NDUFAF5: variants seen among roughly 807,000 people sequenced by gnomAD.
NDUFAF5 encodes arginine-hydroxylase NDUFAF5, mitochondrial.
In NDUFAF5, 34 loss-of-function variants were observed where a neutral mutation model predicts 48.9. The ratio of observed to expected loss-of-function variants is 0.70; its 90% CI spans 0.53 to 0.93. The LOEUF is 0.93. NDUFAF5 is among the 40% of genes least tolerant of loss of function. The probability of loss-of-function intolerance (pLI) is 0.00; values close to 1 mark genes in which losing one functional copy is unlikely to be tolerated. For synonymous variants in NDUFAF5, 153 were observed against 150.6 expected, an observed-to-expected ratio of 1.02 and a Z score of -0.12; for missense variants, 428 against 427.5, an observed-to-expected ratio of 1.00 and a Z score of -0.01.
intron 5 of NDUFAF5, among the ~76,000 whole-genome samples, chr20:13,795,642 A>C (rs947017629): frequency 1.3e-5 from 2 of 152,130 alleles, no homozygotes; most frequent in African/African-American, 4.8e-5. Context: ...AACATAATGA[A>C]ATGCCATCTC....
chr20:13,802,078 C>T (rs946695386), intron 7 of NDUFAF5, among the ~76,000 whole-genome samples: 1 of 151,952 alleles, frequency 6.6e-6, no homozygotes, highest in African/African-American at 2.4e-5. Context: ...AATAACTACC[C>T]CCAAACAGTG....
In NDUFAF5 at chr20:13,787,368, C is replaced by T; in HGVS notation, c.263+16C>T. ...ACATACCCAGGTAAGTGGTGGTGAT[C>T]ATAATACAATACCATCAACTTTTGA... On this transcript the variant is annotated intron_variant, in intron 2 of 10. Coordinates refer to ENST00000378106, the MANE Select transcript of NDUFAF5 (RefSeq NM_024120.5). 6.2e-7 allele frequency: 1 copy of T among 1,611,766 alleles called. No homozygotes were observed.
At chr20:13,787,217 G>A in intron 1 of NDUFAF5, 95 bp from the exon 2 acceptor site, 1 of 1,317,364 alleles carries the variant, frequency 7.6e-7, no homozygotes, top group Non-Finnish European at 1.1e-6. Context: ...ATAAAGGGAA[G>A]TACTTATTTT....
rs1432519056 is a variant in NDUFAF5 at position 13,820,651 on chromosome 20, A to G, written c.*3441A>G. The G allele has an allele frequency of 1.3e-5, 2 of 152,136 alleles. No homozygotes were observed. Among genetic ancestry groups the G allele is most frequent in the South Asian group, 2.1e-4 (1 of 4,828 alleles). 9.4% of individuals were successfully genotyped at this position (152,136 alleles called of 1,614,324 possible). On this transcript the variant is annotated 3_prime_UTR_variant, in exon 11 of 11. Transcript: ENST00000378106. ...CAAGGCTGCAGCAAGCTGTCGCACCACTGCACTCTAGCCTGGGCAACAGCA... is the reference window on the plus strand; with the variant it reads ...CAAGGCTGCAGCAAGCTGTCGCACCGCTGCACTCTAGCCTGGGCAACAGCA...
At chr20:13,797,293 C>T (rs1167601464) in intron 5 of NDUFAF5, among the ~76,000 whole-genome samples, 2 of 152,146 alleles carry the variant, frequency 1.3e-5, no homozygotes, top group African/African-American at 4.8e-5. Flanking sequence ...AACCTGCACA[C>T]AAATGTTTAT....
In NDUFAF5 at chr20:13,818,616, C is replaced by T. The variant is rs1344300149; in HGVS notation, c.*1406C>T. 1 of 198,186 alleles carries T rather than the reference C, an allele frequency of 5.0e-6. No individual in the cohort carries two copies. Among genetic ancestry groups the T allele is most frequent in the Non-Finnish European group, 1.0e-5 (1 of 95,766 alleles). 12.3% of individuals were successfully genotyped at this position (198,186 alleles called of 1,614,324 possible). A position where few individuals can be genotyped will look rare whatever the true frequency, so the allele number is the denominator to read the frequency against. ...GCTGTCTGTGCCACGGCACTCCAAC[C>T]TGGGCAAAAGAGGAGACCTCATCTA... On this transcript the variant is annotated 3_prime_UTR_variant, in exon 11 of 11. Coordinates refer to ENST00000378106, the MANE Select transcript of NDUFAF5 (RefSeq NM_024120.5).
chr20:13,787,936 A>ATG (rs1232615061), intron 2 of NDUFAF5, among the ~76,000 whole-genome samples: 1 of 151,954 alleles, frequency 6.6e-6, no homozygotes, highest in Non-Finnish European at 1.5e-5. Flanking sequence ...GTCTGTACCA[A>ATG]TGTAGCATAA....
chr20:13,814,667 C>T (rs891364428), intron 8 of NDUFAF5, among the ~76,000 whole-genome samples: 2 of 152,144 alleles, frequency 1.3e-5, no homozygotes, highest in Non-Finnish European at 2.9e-5. Flanking sequence ...TTTCTGTTAT[C>T]TCAAAGCCCA....
At chr20:13,797,010 G>A (rs1346128263) in intron 5 of NDUFAF5, among the ~76,000 whole-genome samples, 1 of 152,132 alleles carries the variant, frequency 6.6e-6, no homozygotes, top group African/African-American at 2.4e-5. Context: ...TTAAGTTTCA[G>A]TGTATACAGC....
rs920871338 is a variant in NDUFAF5, at chr20:13,809,409, A to G, written c.778+507A>G. 5.3e-5 allele frequency among the ~76,000 whole-genome samples: 8 copies of G among 152,186 alleles called. 1 individual carries two copies. The highest frequency in any genetic ancestry group is 1.7e-4 in the African/African-American group (7 of 41,432). ...AGCTGTGCTCTAAAAAAAAATGGAG[A>G]TGAATTAACTGGGTAGACAGAGTAG... On this transcript the variant is annotated intron_variant, in intron 8 of 10. Transcript: ENST00000378106.
chr20:13,816,584 C>T (rs1986491147), intron 9 of NDUFAF5, 38 bp downstream of exon 9: 1 of 1,512,982 alleles, frequency 6.6e-7, no homozygotes, highest in Non-Finnish European at 9.2e-7. Context: ...CTCACCAAGG[C>T]ACTTGTGCTG....
chr20:13,801,926 A>C, intron 7 of NDUFAF5: 1 of 449,602 alleles, frequency 2.2e-6, no homozygotes, highest in Non-Finnish European at 4.0e-6. Flanking sequence ...CAAAAAATGT[A>C]TCATAGTTAA....
intron 8 of NDUFAF5, chr20:13,812,999 G>A (rs960430901): frequency 7.2e-5 from 11 of 152,360 alleles, no homozygotes; most frequent in African/African-American, 2.7e-4. Flanking sequence ...GCCTAGGCTA[G>A]AGTGCAGTGG....
rs541697574 is a variant in NDUFAF5 at position 13,818,263 on chromosome 20, A to G, written c.*1053A>G. Reference sequence around the variant, plus strand: ...TACATTTTGAACTAATTATATAACAAACTTGCCCTTTGAAAGACTAAGTTA... The same window carrying G: ...TACATTTTGAACTAATTATATAACAGACTTGCCCTTTGAAAGACTAAGTTA... On this transcript the variant is annotated 3_prime_UTR_variant, in exon 11 of 11. Coordinates refer to ENST00000378106, the MANE Select transcript of NDUFAF5 (RefSeq NM_024120.5). 50 of 453,594 alleles carry G rather than the reference A, an allele frequency of 1.1e-4. No individual in the cohort carries two copies. Among genetic ancestry groups the G allele is most frequent in the Non-Finnish European group, 1.9e-4 (43 of 226,672 alleles). The allele number at this position is 453,594 out of a possible 1,614,324, so 28.1% of individuals were successfully genotyped here.
intron 9 of NDUFAF5, 163 bp from the exon 10 acceptor site, chr20:13,816,712 A>ACC: frequency 1.3e-6 from 1 of 760,810 alleles, no homozygotes; most frequent in Non-Finnish European, 2.3e-6. Context: ...GACAGCCTTT[A>ACC]CTATTTCCTT....
At chr20:13,804,229 T>C (rs1337987994) in intron 7 of NDUFAF5, among the ~76,000 whole-genome samples, 1 of 152,204 alleles carries the variant, frequency 6.6e-6, no homozygotes, top group African/African-American at 2.4e-5. Context: ...TGTCATGTCA[T>C]GTCTCCTCTA....
chr20:13,786,023 G>A (rs1981032731), intron 1 of NDUFAF5, among the ~76,000 whole-genome samples: 1 of 152,110 alleles, frequency 6.6e-6, no homozygotes, highest in African/African-American at 2.4e-5. Flanking sequence ...TATGTTTTAG[G>A]AAGATCAAAT....
intron 8 of NDUFAF5, chr20:13,814,255 T>C: frequency 5.4e-6 from 2 of 368,326 alleles, no homozygotes; most frequent in South Asian, 4.2e-5. Context: ...AGTCAGGGGA[T>C]GATGGAGGCA....
intron 5 of NDUFAF5, among the ~76,000 whole-genome samples, chr20:13,798,238 G>A (rs1472246727): frequency 1.3e-5 from 2 of 152,176 alleles, no homozygotes; most frequent in Non-Finnish European, 2.9e-5. Context: ...GTTACGCAAA[G>A]TGATATATTG....
Sources: allele counts gnomAD v4.1 joint callset (sites outside exome capture counted in the v4.1 genomes callset), GRCh38; gene constraint gnomAD v4.1.1; transcripts MANE v1.5; gene names NCBI Gene and HGNC (gene_info 2026-07-23, HGNC 2026-07-21).